The following PRAG1 variants were observed in gnomAD, a reference collection of about 807,000 sequenced individuals.
The protein encoded by PRAG1 is PEAK1 related, kinase-activating pseudokinase 1, also known as inactive tyrosine-protein kinase PRAG1.
PRAG1 carries 110 observed loss-of-function variants against 95.6 expected under a neutral mutation model. The ratio of observed to expected loss-of-function variants is 1.15; its 90% CI spans 0.99 to 1.35. The LOEUF (loss-of-function observed/expected upper bound fraction) is 1.35, where lower values mean the gene tolerates loss of function less well. Ranked by LOEUF, PRAG1 falls within the 40% of genes most tolerant of loss-of-function variation. The pLI is 0.00. For missense variants in PRAG1, 2,554 were observed against 1,864.7 expected (o/e 1.37, Z -6.81); for synonymous variants, 1,052 against 819.4 (o/e 1.28, Z -4.85).
At chr8:8,361,008 A>T (rs1799827630) in intron 3 of PRAG1, among the ~76,000 whole-genome samples, 1 of 152,214 alleles carries the variant, frequency 6.6e-6, no homozygotes. Flanking sequence ...AAAAGAGGAT[A>T]TCCAGGATGG....
At chr8:8,356,054 T>G (rs556694188) in intron 3 of PRAG1, among the ~76,000 whole-genome samples, 1 of 152,326 alleles carries the variant, frequency 6.6e-6, no homozygotes, top group East Asian at 1.9e-4. Flanking sequence ...CCAAAACTTA[T>G]GAAGAATTCT....
chr8:8,337,824 C>A (rs973234166), intron 4 of PRAG1, among the ~76,000 whole-genome samples: 52 of 152,188 alleles, frequency 3.4e-4, no homozygotes, highest in Non-Finnish European at 6.5e-4. Context: ...TCCGGCAGCT[C>A]TCTGTCTCCC....
intron 3 of PRAG1, among the ~76,000 whole-genome samples, chr8:8,361,214 G>A (rs557507541): frequency 6.6e-6 from 1 of 152,284 alleles, no homozygotes; most frequent in South Asian, 2.1e-4. Context: ...CGTTGAAGTT[G>A]ACCTCTTAGT....
At chr8:8,346,472 A>C (rs976631428) in intron 3 of PRAG1, among the ~76,000 whole-genome samples, 1 of 152,228 alleles carries the variant, frequency 6.6e-6, no homozygotes, top group African/African-American at 2.4e-5. Flanking sequence ...CCAGCCCTGC[A>C]GCTGCTGCCC....
rs1441058096 is a variant in PRAG1 at position 8,359,928 on chromosome 8, G to C, written c.2162+16319C>G. Among the ~76,000 whole-genome samples, 3 of 152,234 alleles carry C rather than the reference G, an allele frequency of 2.0e-5. No homozygotes were observed. In the East Asian group the frequency reaches 5.8e-4, roughly 29 times the overall value. On this transcript the variant is annotated intron_variant, in intron 3 of 5. Transcript: ENST00000615670. ...AATTGTATACAAGTCGATTGATCTTGATATTTAACTTCCATATTTTCTAAA... is the reference window on the plus strand; with the variant it reads ...AATTGTATACAAGTCGATTGATCTTCATATTTAACTTCCATATTTTCTAAA...
At chr8:8,380,024 T>G (rs1217322063) in intron 2 of PRAG1, among the ~76,000 whole-genome samples, 3 of 152,108 alleles carry the variant, frequency 2.0e-5, no homozygotes, top group African/African-American at 7.2e-5. Context: ...ATGGACCACT[T>G]GAGCCTAGGA....
intron 5 of PRAG1, among the ~76,000 whole-genome samples, chr8:8,325,026 G>C (rs1041929294): frequency 6.6e-6 from 1 of 152,188 alleles, no homozygotes; most frequent in African/African-American, 2.4e-5. Flanking sequence ...CCGCAAACGA[G>C]GCTCCGTCTG....
chr8:8,368,510 A>C (rs1045023002), intron 3 of PRAG1, among the ~76,000 whole-genome samples: 1 of 152,244 alleles, frequency 6.6e-6, no homozygotes, highest in African/African-American at 2.4e-5. Flanking sequence ...GAGACACAGG[A>C]TATTCTTTGT....
At chr8:8,363,580 T>C (rs1465683108) in intron 3 of PRAG1, among the ~76,000 whole-genome samples, 1 of 152,202 alleles carries the variant, frequency 6.6e-6, no homozygotes, top group Non-Finnish European at 1.5e-5. Context: ...AACAGGAAGT[T>C]GTTTAAAGGT....
chr8:8,320,794 T>C (rs118094290), intron 5 of PRAG1, among the ~76,000 whole-genome samples: 3,204 of 152,332 alleles, frequency 0.021, 63 homozygotes, highest in Non-Finnish European at 0.029. Context: ...GCGATACTTT[T>C]AGAAGTTCTA....
At chr8:8,385,084 T>A (rs2116959489) in intron 1 of PRAG1, among the ~76,000 whole-genome samples, 1 of 152,284 alleles carries the variant, frequency 6.6e-6, no homozygotes, top group African/African-American at 2.4e-5. Context: ...CAGACTTACA[T>A]CAGAAGTTGC....
chr8:8,349,110 T>C (rs1038614583), intron 3 of PRAG1, among the ~76,000 whole-genome samples: 22 of 152,192 alleles, frequency 1.4e-4, no homozygotes, highest in Non-Finnish European at 2.9e-5. Context: ...GGTGCAAAAG[T>C]AATTGTGGTT....
chr8:8,319,328 C>G, intron 5 of PRAG1, 26 bp from the exon 6 acceptor site: 1 of 1,486,294 alleles, frequency 6.7e-7, no homozygotes, highest in Non-Finnish European at 9.0e-7. Flanking sequence ...GAAGTGAAAT[C>G]AAGAGTGGGG....
chr8:8,366,140 A>C (rs1261815727), intron 3 of PRAG1, among the ~76,000 whole-genome samples: 1 of 152,194 alleles, frequency 6.6e-6, no homozygotes, highest in African/African-American at 2.4e-5. Flanking sequence ...TAAAATGCAG[A>C]GTTCCACAAA....
At position 8,376,514 on chromosome 8, in the gene PRAG1, G is replaced by A; in HGVS notation, c.1895C>T (p.Thr632Ile). Residue 632 changes from threonine to isoleucine, a missense_variant, in exon 3 of 6, where the codon ACC becomes ATC. Coordinates refer to ENST00000615670, the MANE Select transcript of PRAG1 (RefSeq NM_001080826.3). ...CTCTATCCGGCACTGACGACTCCAG[G>A]TGCCTGCCTGGAACCTGGGCCGCCT... ...EQRRPRFQAGTWSRQCRIEEE... is the reference protein window; with the variant it reads ...EQRRPRFQAGIWSRQCRIEEE... 1 of 1,610,378 alleles carries A rather than the reference G, an allele frequency of 6.2e-7. No homozygotes were observed. Among genetic ancestry groups the A allele is most frequent in the East Asian group, 2.2e-5 (1 of 44,808 alleles).
intron 5 of PRAG1, among the ~76,000 whole-genome samples, chr8:8,326,041 T>C (rs1026523501): frequency 6.6e-6 from 1 of 150,516 alleles, no homozygotes; most frequent in Non-Finnish European, 1.5e-5. Context: ...ACCAGGCTTT[T>C]TCCTCCTCAA....
chr8:8,356,677 A>C (rs149375620), intron 3 of PRAG1, among the ~76,000 whole-genome samples: 71 of 152,280 alleles, frequency 4.7e-4, no homozygotes, highest in Non-Finnish European at 8.8e-4. Context: ...TTTTTGCAGA[A>C]ATAAAAGATA....
chr8:8,377,965 G>T lies in PRAG1; in HGVS notation c.444C>A (p.Ser148=). ...GVQKPAGPST[S]PDGNSRCPPA... ...GGGGACAGCGAGAATTGCCATCAGG[G>T]GAGGTAGAGGGACCAGCAGGCTTCT... Residue 148 remains serine, a synonymous_variant, in exon 3 of 6, where the codon TCC becomes TCA. Coordinates refer to ENST00000615670, the MANE Select transcript of PRAG1 (RefSeq NM_001080826.3). 6.2e-7 allele frequency: 1 copy of T among 1,613,690 alleles called. No homozygotes were observed. The highest frequency in any genetic ancestry group is 8.5e-7 in the Non-Finnish European group (1 of 1,179,924).
chr8:8,352,753 T>C (rs1468938885), intron 3 of PRAG1, among the ~76,000 whole-genome samples: 1 of 152,230 alleles, frequency 6.6e-6, no homozygotes, highest in Non-Finnish European at 1.5e-5. Flanking sequence ...CTATATTTGG[T>C]ATACCTGTAT....
Sources: allele counts gnomAD v4.1 joint callset (sites outside exome capture counted in the v4.1 genomes callset), GRCh38; gene constraint gnomAD v4.1.1; transcripts MANE v1.5; gene names NCBI Gene and HGNC (gene_info 2026-07-23, HGNC 2026-07-21).